VPS13D: variants seen among roughly 807,000 people sequenced by gnomAD.
VPS13D encodes the protein vacuolar protein sorting 13 homolog D.
In VPS13D, 187 loss-of-function variants were observed where a neutral mutation model predicts 461.9. The observed-to-expected ratio is 0.40, with a 90% CI of 0.36 to 0.46. The LOEUF (loss-of-function observed/expected upper bound fraction) is 0.46, where lower values mean the gene tolerates loss of function less well. VPS13D is among the 20% of genes least tolerant of loss of function. The pLI, the probability that VPS13D is intolerant of heterozygous loss-of-function variation, is 0.60. For synonymous variants in VPS13D, 1,951 were observed against 1,986.3 expected (o/e 0.98, Z 0.47); for missense variants, 4,711 against 5,364.9 (o/e 0.88, Z 3.81).
At chr1:12,409,722 A>G (rs1570115661) in intron 63 of VPS13D, 1 of 303,358 alleles carries the variant, frequency 3.3e-6, no homozygotes, top group East Asian at 1.1e-4. Flanking sequence ...AAATAGACCC[A>G]TATCCAGAGA....
chr1:12,393,906 A>G (rs185713663), intron 60 of VPS13D, among the ~76,000 whole-genome samples: 1 of 152,008 alleles, frequency 6.6e-6, no homozygotes, highest in African/African-American at 2.4e-5. Flanking sequence ...CTGAGCTAAA[A>G]CTCCATTAAT....
Position 12,291,131 on chromosome 1 carries a change from A to G in VPS13D, c.5852+7A>G, listed in dbSNP as rs768676068. 3.1e-6 allele frequency: 5 copies of G among 1,609,382 alleles called. No homozygotes were observed. Among genetic ancestry groups the G allele is most frequent in the Non-Finnish European group, 4.2e-6 (5 of 1,178,522 alleles). On this transcript the variant is annotated splice_region_variant and intron_variant, in intron 23 of 69. Transcript: ENST00000620676. ...TCATCTTCCAGACTTTTAAGTAAAAATGTCAATCTTTTTCTGACTTGATAT... is the reference window on the plus strand; with the variant it reads ...TCATCTTCCAGACTTTTAAGTAAAAGTGTCAATCTTTTTCTGACTTGATAT...
At chr1:12,437,648 C>A (rs1360895720) in intron 65 of VPS13D, among the ~76,000 whole-genome samples, 1 of 151,958 alleles carries the variant, frequency 6.6e-6, no homozygotes, top group Admixed American at 6.6e-5. Context: ...CTCTGGAAAT[C>A]CATCCTTTCT....
intron 65 of VPS13D, among the ~76,000 whole-genome samples, chr1:12,421,405 A>G (rs528698755): frequency 6.6e-5 from 10 of 152,244 alleles, no homozygotes; most frequent in Non-Finnish European, 1.5e-4. Context: ...TTCTTTCTGC[A>G]GCATGAGTTG....
rs758682896 is a variant in VPS13D, at chr1:12,355,885, T to G, written c.9680-14T>G. 6.6e-6 allele frequency: 10 copies of G among 1,517,424 alleles called. No individual in the cohort carries two copies. Among genetic ancestry groups the G allele is most frequent in the Non-Finnish European group, 8.0e-6 (9 of 1,128,032 alleles). The allele number at this position is 1,517,424 out of a possible 1,614,324, so 94.0% of individuals were successfully genotyped here. On this transcript the variant is annotated splice_polypyrimidine_tract_variant and intron_variant, in intron 47 of 69. Transcript: ENST00000620676. The stretch of plus-strand genomic sequence containing the variant: ...GTGAGAACTCTGAAAGTTAATAGTT[T>G]GTATCTTCTTTAGGGGTATCACTGG...
Position 12,242,565 on chromosome 1 carries a change from G to A in VPS13D, c.150G>A (p.Leu50=). The A allele has an allele frequency of 6.2e-7, 1 of 1,614,094 alleles. No homozygotes were observed. Among genetic ancestry groups the A allele is most frequent in the Non-Finnish European group, 8.5e-7 (1 of 1,179,998 alleles). The change falls in exon 3 of 70, where the codon TTG becomes TTA. Residue 50 remains leucine, a synonymous_variant. Coordinates refer to ENST00000620676, the MANE Select transcript of VPS13D (RefSeq NM_015378.4). The part of the protein sequence containing the change: ...LPLKKDALKE[L]ELPFEVKAGF... Reference sequence around the variant, plus strand: ...TAAAGAAAGATGCCTTGAAAGAATTGGAATTACCATTTGAAGTCAAAGCTG... The same window carrying A: ...TAAAGAAAGATGCCTTGAAAGAATTAGAATTACCATTTGAAGTCAAAGCTG...
chr1:12,391,386 G>T (rs919157075), intron 60 of VPS13D, among the ~76,000 whole-genome samples: 1 of 152,200 alleles, frequency 6.6e-6, no homozygotes, highest in Non-Finnish European at 1.5e-5. Context: ...ATCAGTGCAG[G>T]CTAGGGGAGA....
chr1:12,271,960 G>C (rs1272627817), intron 17 of VPS13D, among the ~76,000 whole-genome samples: 1 of 151,880 alleles, frequency 6.6e-6, no homozygotes, highest in Non-Finnish European at 1.5e-5. Context: ...GGGAAGCGGA[G>C]GTGGGATGAT....
chr1:12,285,777 G>C (rs1641948068), intron 21 of VPS13D, among the ~76,000 whole-genome samples: 1 of 152,058 alleles, frequency 6.6e-6, no homozygotes, highest in African/African-American at 2.4e-5. Context: ...CCTTTTATTG[G>C]TGGATTGTAG....
chr1:12,351,656 A>AGCAG (rs1482294873), intron 46 of VPS13D, among the ~76,000 whole-genome samples: 5 of 140,046 alleles, frequency 3.6e-5, no homozygotes, highest in African/African-American at 1.3e-4. Flanking sequence ...CAATGGTGTG[A>AGCAG]TCTTGGCTCA....
intron 67 of VPS13D, among the ~76,000 whole-genome samples, chr1:12,476,543 G>A (rs1645633634): frequency 6.6e-6 from 1 of 152,100 alleles, no homozygotes. Context: ...TGGGAGATGT[G>A]GCATATTATG....
chr1:12,297,983 T>C (rs1209617984), intron 24 of VPS13D, among the ~76,000 whole-genome samples: 1 of 152,210 alleles, frequency 6.6e-6, no homozygotes, highest in Non-Finnish European at 1.5e-5. Flanking sequence ...ATGTTCAAGA[T>C]GTAAGTGCTA....
intron 10 of VPS13D, among the ~76,000 whole-genome samples, chr1:12,259,899 G>T (rs1641050188): frequency 6.6e-6 from 1 of 152,008 alleles, no homozygotes; most frequent in Admixed American, 6.6e-5. Context: ...GTTTCAGGAA[G>T]AGCGATAACT....
At position 12,276,112 on chromosome 1, in the gene VPS13D, G is replaced by A. The variant is rs146217018; in HGVS notation, c.2524G>A (p.Asp842Asn). 1.2e-6 allele frequency: 2 copies of A among 1,613,994 alleles called. No homozygotes were observed. The highest frequency in any genetic ancestry group is 2.7e-5 in the African/African-American group (2 of 74,922). Reference sequence around the variant, plus strand: ...CAATTGGAAGCATGTCCAGGATATTGACGTGGGACCAACACATGTGGTAGA... The same window carrying A: ...CAATTGGAAGCATGTCCAGGATATTAACGTGGGACCAACACATGTGGTAGA... ...KDNWKHVQDI[D>N]VGPTHVVEKF... Residue 842 changes from aspartate (D) to asparagine (N), a missense_variant, in exon 19 of 70, where the codon GAC becomes AAC. Physicochemically the swap from Asp to Asn is conservative, Grantham distance 23 (BLOSUM62 1). Transcript: ENST00000620676. The surrounding 1 kb of genome is among the most constrained non-coding windows in gnomAD (Gnocchi z 4.5).
At chr1:12,241,135 G>C (rs894238025) in intron 2 of VPS13D, among the ~76,000 whole-genome samples, 1 of 151,554 alleles carries the variant, frequency 6.6e-6, no homozygotes, top group African/African-American at 2.4e-5. Context: ...TAGAGTTGGG[G>C]TCTTGCCGTA....
At position 12,299,372 on chromosome 1, in the gene VPS13D, C is replaced by T. The variant is rs756350223; in HGVS notation, c.6204C>T (p.Ser2068=). 1.2e-6 allele frequency: 2 copies of T among 1,611,162 alleles called. No individual in the cohort carries two copies. Among genetic ancestry groups the T allele is most frequent in the Admixed American group, 3.4e-5 (2 of 59,606 alleles). Residue 2068 remains serine (S), a synonymous_variant, in exon 25 of 70, where the codon TCC becomes TCT. Coordinates refer to ENST00000620676, the MANE Select transcript of VPS13D (RefSeq NM_015378.4). This position sits in a 1 kb window ranked among gnomAD's most constrained non-coding sequence, Gnocchi z 4.2. Reference sequence around the variant, plus strand: ...TTGCTGGTTTTCCTGGCACCTTTTCCCTACAAGATAAGGTGAGCAATCAGT... The same window carrying T: ...TTGCTGGTTTTCCTGGCACCTTTTCTCTACAAGATAAGGTGAGCAATCAGT... The part of the protein sequence containing the change: ...FLFAGFPGTF[S]LQDKESVPSA...
intron 50 of VPS13D, among the ~76,000 whole-genome samples, chr1:12,360,371 G>A (rs1354139327): frequency 6.6e-6 from 1 of 152,206 alleles, no homozygotes; most frequent in African/African-American, 2.4e-5. Context: ...GCCAGGGACA[G>A]GCTTGCCAGG....
chr1:12,276,351 G>C lies in VPS13D; in HGVS notation c.2763G>C (p.Glu921Asp), dbSNP rs1205957891. 8 of 1,614,158 alleles carry C rather than the reference G, an allele frequency of 5.0e-6. No individual in the cohort carries two copies. Among genetic ancestry groups the C allele is most frequent in the Non-Finnish European group, 6.8e-6 (8 of 1,180,030 alleles). ...TQIKEKIFPQ[E>D]EQRGSLQDSV... ...TTAAAGAAAAGATTTTTCCCCAGGA[G>C]GAGCAGCGGGGAAGTTTGCAAGACT... The change falls in exon 19 of 70, where the codon GAG (glutamate) becomes GAC (aspartate). Residue 921 changes from glutamate (E) to aspartate (D), a missense_variant. Glu to Asp is a conservative substitution (Grantham distance 45). Transcript: ENST00000620676. This position sits in a 1 kb window ranked among gnomAD's most constrained non-coding sequence, Gnocchi z 4.5.
At chr1:12,387,824 A>G (rs1644368867) in intron 60 of VPS13D, among the ~76,000 whole-genome samples, 1 of 152,248 alleles carries the variant, frequency 6.6e-6, no homozygotes, top group Admixed American at 6.5e-5. Context: ...GGAACAAGAA[A>G]AAAAAGACAT....
Sources: allele counts gnomAD v4.1 joint callset (sites outside exome capture counted in the v4.1 genomes callset), GRCh38; gene constraint gnomAD v4.1.1; non-coding constraint Gnocchi (gnomAD v3.1); transcripts MANE v1.5; gene names NCBI Gene and HGNC (gene_info 2026-07-23, HGNC 2026-07-21).